The following TMEM201 variants were observed in gnomAD, a reference collection of about 807,000 sequenced individuals.
TMEM201 encodes the protein transmembrane protein 201, also known as RP13-15M17.2.
In TMEM201, 26 loss-of-function variants were observed where a neutral mutation model predicts 63.4. The observed-to-expected ratio is 0.41, with a 90% confidence interval of 0.30 to 0.57. The LOEUF (loss-of-function observed/expected upper bound fraction) is 0.57. Ranked by LOEUF, TMEM201 falls within the 20% of genes least tolerant of loss-of-function variation. The pLI is 0.29. For synonymous variants in TMEM201, 417 were observed against 421.6 expected (o/e 0.99, Z 0.14); for missense variants, 794 against 917.7 (o/e 0.87, Z 1.74).
At chr1:9,596,119 C>T (rs976725290) in intron 2 of TMEM201, 109 bp downstream of exon 2, 5 of 1,404,180 alleles carry the variant, frequency 3.6e-6, no homozygotes, top group South Asian at 2.6e-5. Context: ...TCATGGACCC[C>T]ACACCCTCAT....
Position 9,610,984 on chromosome 1 carries a change from T to G in TMEM201, c.1765+179T>G. 1.3e-6 allele frequency: 2 copies of G among 1,532,328 alleles called. No homozygotes were observed. The highest frequency in any genetic ancestry group is 1.7e-6 in the Non-Finnish European group (2 of 1,145,018). The allele number at this position is 1,532,328 out of a possible 1,614,324, so 94.9% of individuals were successfully genotyped here. ...TTGAACCCTCTGGGACATTGACCTCTAATGGCTGATTTCAGTTTCTCCTTT... is the reference window on the plus strand; with the variant it reads ...TTGAACCCTCTGGGACATTGACCTCGAATGGCTGATTTCAGTTTCTCCTTT... On this transcript the variant is annotated intron_variant, in intron 9 of 10. Transcript: ENST00000340381. The surrounding 1 kb of genome is among the most constrained non-coding windows in gnomAD (Gnocchi z 4.9).
In TMEM201 at chr1:9,610,413, TTA is replaced by T; in HGVS notation, c.1466-92_1466-91del. ...TCTGCACCTTTCCTGTCTTCCCGGG[TTA>T]ATAGAAGAATGCCCCCAGAAATGAA... On this transcript the variant is annotated intron_variant, in intron 8 of 10. Transcript: ENST00000340381. This position sits in a 1 kb window ranked among gnomAD's most constrained non-coding sequence, Gnocchi z 4.9. The T allele has an allele frequency of 7.9e-7, 1 of 1,258,454 alleles. No homozygotes were observed. The highest frequency in any genetic ancestry group is 1.1e-6 in the Non-Finnish European group (1 of 933,340). The allele number at this position is 1,258,454 out of a possible 1,614,324, so 78.0% of individuals were successfully genotyped here. A position where few individuals can be genotyped will look rare whatever the true frequency, so the allele number is the denominator to read the frequency against.
At position 9,610,386 on chromosome 1, in the gene TMEM201, T is replaced by C; in HGVS notation, c.1466-120T>C. On this transcript the variant is annotated intron_variant, in intron 8 of 10. Transcript: ENST00000340381. The surrounding 1 kb of genome is among the most constrained non-coding windows in gnomAD (Gnocchi z 4.9). Reference sequence around the variant, plus strand: ...CAGCAGGACTTCCCCCTGTCCCCAGTCTCTGCACCTTTCCTGTCTTCCCGG... The same window carrying C: ...CAGCAGGACTTCCCCCTGTCCCCAGCCTCTGCACCTTTCCTGTCTTCCCGG... 1 of 1,055,508 alleles carries C rather than the reference T, an allele frequency of 9.5e-7. No individual in the cohort carries two copies. Among genetic ancestry groups the C allele is most frequent in the Non-Finnish European group, 1.3e-6 (1 of 750,938 alleles). The allele number at this position is 1,055,508 out of a possible 1,614,324, so 65.4% of individuals were successfully genotyped here. A position where few individuals can be genotyped will look rare whatever the true frequency, so the allele number is the denominator to read the frequency against.
chr1:9,591,270 G>A (rs1643914245), intron 1 of TMEM201, among the ~76,000 whole-genome samples: 1 of 152,224 alleles, frequency 6.6e-6, no homozygotes, highest in African/African-American at 2.4e-5. Context: ...TTTTACAGAT[G>A]AGGAAACCAA....
At chr1:9,596,074 T>G in intron 2 of TMEM201, 64 bp downstream of exon 2, 2 of 1,580,660 alleles carry the variant, frequency 1.3e-6, no homozygotes. Context: ...ATTTGCACCT[T>G]GAGACCACCC....
Position 9,596,729 on chromosome 1 carries a change from G to GA in TMEM201, c.235-122dup, listed in dbSNP as rs1557550473. 73 of 958,272 alleles carry GA rather than the reference G, an allele frequency of 7.6e-5. 1 individual carries two copies. The highest frequency in any genetic ancestry group is 5.5e-5 in the Admixed American group (2 of 36,080). The allele number at this position is 958,272 out of a possible 1,614,324, so 59.4% of individuals were successfully genotyped here. ...AAAGCAGCTGCTGTTGTGTGCAGAA[G>GA]AAAAAAAAGAATGGAGATGTTTGAG... is the stretch of plus-strand genomic sequence containing the variant. On this transcript the variant is annotated intron_variant, in intron 2 of 10. Coordinates refer to ENST00000340381, the MANE Select transcript of TMEM201 (RefSeq NM_001130924.3).
At chr1:9,602,867 G>A in intron 6 of TMEM201, 1 of 985,770 alleles carries the variant, frequency 1.0e-6, no homozygotes, top group Non-Finnish European at 1.2e-6. Context: ...AGGAGGTGGT[G>A]GAGCCGTGAA....
Position 9,604,311 on chromosome 1 carries a change from T to C in TMEM201, c.1160+2039T>C. 2 of 985,428 alleles carry C rather than the reference T, an allele frequency of 2.0e-6. No homozygotes were observed. Among genetic ancestry groups the C allele is most frequent in the Middle Eastern group, 5.2e-4 (1 of 1,914 alleles). 61.0% of individuals were successfully genotyped at this position (985,428 alleles called of 1,614,324 possible). A position where few individuals can be genotyped will look rare whatever the true frequency, so the allele number is the denominator to read the frequency against. ...GATCCTCCTGCCGAGCTGATGTCGC[T>C]CCTGCCCTCTGCCGGGGTCCGGAAG... On this transcript the variant is annotated intron_variant, in intron 6 of 10. Coordinates refer to ENST00000340381, the MANE Select transcript of TMEM201 (RefSeq NM_001130924.3). The surrounding 1 kb of genome is among the most constrained non-coding windows in gnomAD (Gnocchi z 4.1).
Position 9,604,693 on chromosome 1 carries a change from A to G in TMEM201, c.1160+2421A>G. On this transcript the variant is annotated intron_variant, in intron 6 of 10. Transcript: ENST00000340381. This position sits in a 1 kb window ranked among gnomAD's most constrained non-coding sequence, Gnocchi z 4.1. The stretch of plus-strand genomic sequence containing the variant: ...AGACTTGAGGTCCCCACCCAGGCCA[A>G]GCCGGCCCCCCGTACCCCTTGCCTG... 6 of 985,910 alleles carry G rather than the reference A, an allele frequency of 6.1e-6. No individual in the cohort carries two copies. The highest frequency in any genetic ancestry group is 7.2e-6 in the Non-Finnish European group (6 of 830,038). 61.1% of individuals were successfully genotyped at this position (985,910 alleles called of 1,614,324 possible). A position where few individuals can be genotyped will look rare whatever the true frequency, so the allele number is the denominator to read the frequency against.
chr1:9,607,102 A>AT lies in TMEM201; in HGVS notation c.1161-454dup, dbSNP rs1352722146. On this transcript the variant is annotated intron_variant, in intron 6 of 10. Coordinates refer to ENST00000340381, the MANE Select transcript of TMEM201 (RefSeq NM_001130924.3). This position sits in a 1 kb window ranked among gnomAD's most constrained non-coding sequence, Gnocchi z 5.4. ...CCTATGATCCAGGCCCATCTGGGAGATGAGCCAGGATGTCCCTGAGCCCGG... is the reference window on the plus strand; with the variant it reads ...CCTATGATCCAGGCCCATCTGGGAGATTGAGCCAGGATGTCCCTGAGCCCGG... 2.0e-5 allele frequency among the ~76,000 whole-genome samples: 3 copies of AT among 152,082 alleles called. No individual in the cohort carries two copies. The highest frequency in any genetic ancestry group is 4.4e-5 in the Non-Finnish European group (3 of 68,020).
At position 9,607,601 on chromosome 1, in the gene TMEM201, G is replaced by A. The variant is rs1318382585; in HGVS notation, c.1205G>A (p.Ser402Asn). Residue 402 changes from serine to asparagine, a missense_variant, in exon 7 of 11, where the codon AGC becomes AAC. Ser to Asn is a conservative substitution (Grantham distance 46, BLOSUM62 1). Coordinates refer to ENST00000340381, the MANE Select transcript of TMEM201 (RefSeq NM_001130924.3). This position sits in a 1 kb window ranked among gnomAD's most constrained non-coding sequence, Gnocchi z 5.4. ...GCCGGCCTTTTCCCCACCAGCCCCAGCTTGGCCATCCCTCACCCGAGTGTC... is the reference window on the plus strand; with the variant it reads ...GCCGGCCTTTTCCCCACCAGCCCCAACTTGGCCATCCCTCACCCGAGTGTC... ...DSAGLFPTSPSLAIPHPSVGG... is the reference protein window; with the variant it reads ...DSAGLFPTSPNLAIPHPSVGG... 1.3e-6 allele frequency: 2 copies of A among 1,551,490 alleles called. No homozygotes were observed. Among genetic ancestry groups the A allele is most frequent in the Non-Finnish European group, 1.7e-6 (2 of 1,146,970 alleles).
At chr1:9,600,767 A>G (rs555555944) in intron 4 of TMEM201, among the ~76,000 whole-genome samples, 9 of 152,244 alleles carry the variant, frequency 5.9e-5, no homozygotes, top group Admixed American at 3.3e-4. Flanking sequence ...AAAAAAATAC[A>G]AAATTAGCTG....
chr1:9,598,387 T>C (rs1644065453), intron 3 of TMEM201, 62 bp from the exon 4 acceptor site: 2 of 1,566,290 alleles, frequency 1.3e-6, no homozygotes, highest in Admixed American at 3.5e-5. Context: ...ACGTCTGACC[T>C]GTAAGATGGA....
At position 9,605,087 on chromosome 1, in the gene TMEM201, C is replaced by T. The variant is rs1474938473; in HGVS notation, c.1161-2470C>T. 1.1e-6 allele frequency: 1 copy of T among 905,940 alleles called. No homozygotes were observed. The highest frequency in any genetic ancestry group is 1.3e-6 in the Non-Finnish European group (1 of 757,404). 56.1% of individuals were successfully genotyped at this position (905,940 alleles called of 1,614,324 possible). ...CAGGTTTGGGAGCCAGTGACAATGA[C>T]ACCAGCTGGCTCGGGGCCCGGCTCG... On this transcript the variant is annotated intron_variant, in intron 6 of 10. Coordinates refer to ENST00000340381, the MANE Select transcript of TMEM201 (RefSeq NM_001130924.3). This position sits in a 1 kb window ranked among gnomAD's most constrained non-coding sequence, Gnocchi z 5.7.
At position 9,601,207 on chromosome 1, in the gene TMEM201, A is replaced by C; in HGVS notation, c.709A>C (p.Ser237Arg). The C allele has an allele frequency of 2.5e-6, 4 of 1,612,684 alleles. No homozygotes were observed. Among genetic ancestry groups the C allele is most frequent in the Non-Finnish European group, 3.4e-6 (4 of 1,179,884 alleles). ...ACTGACCACCGCGCTGTATGGGGCC[A>C]GCGGACACTTCGCCCCAGGCACCAC... ...FLLTTALYGASGHFAPGTTVP... is the reference protein window; with the variant it reads ...FLLTTALYGARGHFAPGTTVP... Residue 237 changes from serine (S) to arginine (R), a missense_variant, in exon 5 of 11, where the codon AGC (serine) becomes CGC (arginine). Physicochemically the swap from Ser to Arg is moderately radical, Grantham distance 110 (BLOSUM62 -1). Coordinates refer to ENST00000340381, the MANE Select transcript of TMEM201 (RefSeq NM_001130924.3).
At chr1:9,595,454 G>A (rs755911686) in intron 1 of TMEM201, among the ~76,000 whole-genome samples, 7 of 152,108 alleles carry the variant, frequency 4.6e-5, no homozygotes, top group South Asian at 2.1e-4. Flanking sequence ...CAAGGACCTC[G>A]TGGGGGAGGG....
chr1:9,595,236 G>T (rs967603919), intron 1 of TMEM201, among the ~76,000 whole-genome samples: 1 of 152,184 alleles, frequency 6.6e-6, no homozygotes, highest in Non-Finnish European at 1.5e-5. Context: ...GGATTATCCC[G>T]AGGCCCCACC....
Position 9,603,024 on chromosome 1 carries a change from G to A in TMEM201, c.1160+752G>A. 17 of 985,604 alleles carry A rather than the reference G, an allele frequency of 1.7e-5. No individual in the cohort carries two copies. The highest frequency in any genetic ancestry group is 2.0e-5 in the Non-Finnish European group (17 of 830,054). 61.1% of individuals were successfully genotyped at this position (985,604 alleles called of 1,614,324 possible). A position where few individuals can be genotyped will look rare whatever the true frequency, so the allele number is the denominator to read the frequency against. On this transcript the variant is annotated intron_variant, in intron 6 of 10. Transcript: ENST00000340381. The surrounding 1 kb of genome is among the most constrained non-coding windows in gnomAD (Gnocchi z 4.5). ...GAGACCCCACCTGAGACAGGCAGTA[G>A]GAGCCTGTGCTGACCTTGGGGAATC...
At position 9,613,099 on chromosome 1, in the gene TMEM201, C is replaced by G; in HGVS notation, c.*16C>G. On this transcript the variant is annotated 3_prime_UTR_variant, in exon 11 of 11. Transcript: ENST00000340381. ...CCTGCGCTGACCCACCGTTGGAGCC[C>G]CTCGGAGGGGAGCAACCCGGTGCCT... 6.5e-7 allele frequency: 1 copy of G among 1,549,454 alleles called. No individual in the cohort carries two copies. Among genetic ancestry groups the G allele is most frequent in the Non-Finnish European group, 8.7e-7 (1 of 1,146,806 alleles).
Sources: gnomAD v4.1 joint callset for allele counts (sites outside exome capture counted in the v4.1 genomes callset) on GRCh38, gnomAD v4.1.1 for gene constraint, Gnocchi (gnomAD v3.1) non-coding constraint, MANE v1.5 for transcripts, NCBI Gene and HGNC (gene_info 2026-07-23, HGNC 2026-07-21) for gene names.